The following SLC5A1 variants were observed in gnomAD, a reference collection of about 807,000 sequenced individuals.
The protein encoded by SLC5A1 is solute carrier family 5 member 1.
In SLC5A1, 42 loss-of-function variants were observed where a neutral mutation model predicts 73.5. The observed-to-expected ratio is 0.57, with a 90% CI of 0.45 to 0.74. The LOEUF is 0.74. Among genes scored for constraint, SLC5A1 ranks in the 30% least tolerant of loss-of-function variants. The pLI, the probability that SLC5A1 is intolerant of heterozygous loss-of-function variation, is 0.00. For synonymous variants in SLC5A1, 300 were observed against 317.4 expected, an observed-to-expected ratio of 0.95 and a Z score of 0.58; for missense variants, 634 against 855.4, an observed-to-expected ratio of 0.74 and a Z score of 3.23.
At chr22:32,090,899 G>C (rs1379455872) in intron 10 of SLC5A1, among the ~76,000 whole-genome samples, 1 of 152,028 alleles carries the variant, frequency 6.6e-6, no homozygotes, top group African/African-American at 2.4e-5. Flanking sequence ...ACTCACACTT[G>C]TTATTTCTGT....
rs377219962 is a variant in SLC5A1, at chr22:32,049,937, C to T, written c.136-6C>T. The T allele has an allele frequency of 6.2e-6, 10 of 1,613,556 alleles. No individual in the cohort carries two copies. Among genetic ancestry groups the T allele is most frequent in the Non-Finnish European group, 8.5e-6 (10 of 1,179,574 alleles). Reference sequence around the variant, plus strand: ...TCGATTACATTTTTGACCCTTTCCTCCTCAGGCTATGTTTTCCACCAATCG... The same window carrying T: ...TCGATTACATTTTTGACCCTTTCCTTCTCAGGCTATGTTTTCCACCAATCG... On this transcript the variant is annotated splice_region_variant and splice_polypyrimidine_tract_variant and intron_variant, in intron 1 of 14. Transcript: ENST00000266088.
At chr22:32,101,753 T>TA (rs1246060336) in intron 12 of SLC5A1, among the ~76,000 whole-genome samples, 1 of 152,202 alleles carries the variant, frequency 6.6e-6, no homozygotes, top group Non-Finnish European at 1.5e-5. Flanking sequence ...TTAGACACTT[T>TA]ACCCCATTAT....
chr22:32,081,158 A>C (rs142368905), intron 5 of SLC5A1, among the ~76,000 whole-genome samples: 1 of 152,208 alleles, frequency 6.6e-6, no homozygotes, highest in East Asian at 1.9e-4. Context: ...TCATTAGGAG[A>C]AGGCTGAAAG....
chr22:32,089,076 C>T (rs2094012764), intron 10 of SLC5A1, among the ~76,000 whole-genome samples: 1 of 152,210 alleles, frequency 6.6e-6, no homozygotes, highest in African/African-American at 2.4e-5. Flanking sequence ...GAGTGTCATA[C>T]AGTGGGGAAA....
intron 10 of SLC5A1, among the ~76,000 whole-genome samples, chr22:32,088,671 A>T (rs1179603937): frequency 1.3e-5 from 2 of 152,122 alleles, no homozygotes; most frequent in African/African-American, 2.4e-5. Context: ...CCTGTGCTAG[A>T]CTAAATAGAT....
At chr22:32,086,820 C>G (rs1199967265) in intron 10 of SLC5A1, among the ~76,000 whole-genome samples, 2 of 151,992 alleles carry the variant, frequency 1.3e-5, no homozygotes, top group Non-Finnish European at 2.9e-5. Context: ...GCATTGTTCA[C>G]AGTAGTCAAG....
intron 1 of SLC5A1, among the ~76,000 whole-genome samples, chr22:32,044,237 C>G (rs1410841760): frequency 6.6e-6 from 1 of 152,048 alleles, no homozygotes; most frequent in African/African-American, 2.4e-5. Flanking sequence ...CTTTGAGAGG[C>G]CAAGGTGGGA....
intron 2 of SLC5A1, among the ~76,000 whole-genome samples, chr22:32,058,560 A>G (rs1300621400): frequency 2.0e-5 from 3 of 152,214 alleles, no homozygotes; most frequent in African/African-American, 7.2e-5. Context: ...ATAGGGTCAT[A>G]TAAGTGGAAG....
chr22:32,103,908 T>G (rs2094040664), intron 13 of SLC5A1, among the ~76,000 whole-genome samples: 2 of 152,238 alleles, frequency 1.3e-5, no homozygotes, highest in African/African-American at 2.4e-5. Flanking sequence ...TGACCAATTA[T>G]GAGCCATTTT....
intron 11 of SLC5A1, among the ~76,000 whole-genome samples, chr22:32,097,821 C>G (rs1187176904): frequency 2.6e-5 from 4 of 152,052 alleles, no homozygotes; most frequent in African/African-American, 9.7e-5. Flanking sequence ...ATCAAAGACA[C>G]CATTAATCAA....
At chr22:32,061,451 C>A (rs952300743) in intron 2 of SLC5A1, among the ~76,000 whole-genome samples, 5 of 151,678 alleles carry the variant, frequency 3.3e-5, no homozygotes, top group African/African-American at 1.2e-4. Flanking sequence ...AATGATTTTG[C>A]CTGATGTTTT....
intron 5 of SLC5A1, among the ~76,000 whole-genome samples, chr22:32,079,184 A>G (rs577203427): frequency 2.4e-4 from 37 of 152,344 alleles, no homozygotes; most frequent in African/African-American, 8.7e-4. Flanking sequence ...GCAGCTAGGA[A>G]GGACCAAAGA....
chr22:32,093,929 GA>G (rs1395312814), intron 11 of SLC5A1, among the ~76,000 whole-genome samples: 1 of 152,124 alleles, frequency 6.6e-6, no homozygotes, highest in Non-Finnish European at 1.5e-5. Flanking sequence ...CCAATTCTCA[GA>G]GGGAATGCTT....
intron 2 of SLC5A1, chr22:32,059,093 A>G (rs1264110804): frequency 1.0e-6 from 1 of 985,280 alleles, no homozygotes; most frequent in East Asian, 1.1e-4. Flanking sequence ...AAGTGGAAGC[A>G]GGACTGGATT....
chr22:32,072,461 A>G (rs1264967400), intron 5 of SLC5A1, among the ~76,000 whole-genome samples: 1 of 152,160 alleles, frequency 6.6e-6, no homozygotes, highest in Non-Finnish European at 1.5e-5. Flanking sequence ...TCAGTCCACC[A>G]CTGATGGGCA....
chr22:32,079,767 G>A (rs1443486710), intron 5 of SLC5A1, among the ~76,000 whole-genome samples: 3 of 152,192 alleles, frequency 2.0e-5, no homozygotes, highest in African/African-American at 7.2e-5. Flanking sequence ...ATGTGACTGT[G>A]TAGAGGCATG....
In SLC5A1 at chr22:32,085,026, C is replaced by G. The variant is rs201216997; in HGVS notation, c.1012C>G (p.Leu338Val). ...GATGCCAGGAATGATCAGCCGCATT[C>G]TGTACACAGGTAATAACTTCTGCTG... ...MVMPGMISRI[L>V]YTEKIACVVP... Residue 338 changes from leucine to valine, a missense_variant, in exon 9 of 15, where the codon CTG becomes GTG. Leu to Val is a conservative substitution (Grantham distance 32, BLOSUM62 1). Transcript: ENST00000266088. 1.4e-4 allele frequency: 226 copies of G among 1,614,072 alleles called. No homozygotes were observed. Among genetic ancestry groups the G allele is most frequent in the Non-Finnish European group, 1.8e-4 (215 of 1,180,038 alleles).
At chr22:32,082,951 C>T in intron 6 of SLC5A1, 123 bp from the exon 7 acceptor site, 1 of 836,160 alleles carries the variant, frequency 1.2e-6, no homozygotes, top group Non-Finnish European at 2.0e-6. Context: ...GAGAGGCAGG[C>T]AAACCACTGT....
chr22:32,053,092 T>C (rs915008261), intron 2 of SLC5A1, among the ~76,000 whole-genome samples: 9 of 152,212 alleles, frequency 5.9e-5, no homozygotes, highest in Non-Finnish European at 1.2e-4. Flanking sequence ...CACACTGGAC[T>C]CCTTGGTAAA....
Sources: gnomAD v4.1 joint callset for allele counts (sites outside exome capture counted in the v4.1 genomes callset) on GRCh38, gnomAD v4.1.1 for gene constraint, MANE v1.5 for transcripts, NCBI Gene and HGNC (gene_info 2026-07-23, HGNC 2026-07-21) for gene names.